Variants in CNTN5 observed in about 807,000 individuals in gnomAD.
The protein encoded by CNTN5 is contactin 5.
A neutral mutation model predicts 129.1 loss-of-function variants in CNTN5; 77 were observed. The ratio of observed to expected loss-of-function variants is 0.60; its 90% confidence interval spans 0.50 to 0.72. The LOEUF is 0.72. CNTN5 is among the 30% of genes least tolerant of loss of function. CNTN5 has a pLI of 0.00. For synonymous variants in CNTN5, 509 were observed against 465.6 expected (o/e 1.09, Z -1.20); for missense variants, 1,478 against 1,328.8 (o/e 1.11, Z -1.75).
intron 1 of CNTN5, among the ~76,000 whole-genome samples, chr11:99,322,112 A>ACTGGTTGGCT (rs1212928434): frequency 6.6e-6 from 1 of 152,128 alleles, no homozygotes; most frequent in Non-Finnish European, 1.5e-5. Flanking sequence ...AATACCGCAG[A>ACTGGTTGGCT]CTGGTTGGCT....
In CNTN5 at chr11:100,255,880, G is replaced by A. The variant is rs201856589; in HGVS notation, c.2126G>A (p.Arg709His). ...SPISSYNLQARSPFSLGWQTV... is the reference protein window; with the variant it reads ...SPISSYNLQAHSPFSLGWQTV... Reference sequence around the variant, plus strand: ...ATCTCCTCCTACAACCTTCAAGCTCGCAGCCCATTTTCCCTGGGCTGGCAA... The same window carrying A: ...ATCTCCTCCTACAACCTTCAAGCTCACAGCCCATTTTCCCTGGGCTGGCAA... Residue 709 changes from arginine to histidine, a missense_variant, in exon 17 of 25, where the codon CGC (arginine) becomes CAC (histidine). Arg to His is a conservative substitution (Grantham distance 29). Transcript: ENST00000524871. 9.4e-5 allele frequency: 152 copies of A among 1,613,698 alleles called. No individual in the cohort carries two copies. Among genetic ancestry groups the A allele is most frequent in the Non-Finnish European group, 1.2e-4 (143 of 1,179,864 alleles).
intron 1 of CNTN5, among the ~76,000 whole-genome samples, chr11:99,158,250 T>A (rs1860430465): frequency 6.6e-6 from 1 of 152,086 alleles, no homozygotes; most frequent in African/African-American, 2.4e-5. Context: ...TGCTTTGTAT[T>A]CCTCTGACTT....
At chr11:100,351,837 G>A (rs1202408640) in intron 24 of CNTN5, among the ~76,000 whole-genome samples, 6 of 151,402 alleles carry the variant, frequency 4.0e-5, no homozygotes, top group Admixed American at 2.0e-4. Flanking sequence ...GTCCCGTCAT[G>A]CTCTGTATGT....
intron 6 of CNTN5, among the ~76,000 whole-genome samples, chr11:99,895,595 C>T (rs1949184369): frequency 6.6e-6 from 1 of 152,166 alleles, no homozygotes; most frequent in Admixed American, 6.5e-5. Flanking sequence ...AACATTAACC[C>T]ACCCAGAACT....
intron 3 of CNTN5, among the ~76,000 whole-genome samples, chr11:99,759,242 T>C (rs1469908249): frequency 2.6e-5 from 4 of 152,060 alleles, no homozygotes; most frequent in Admixed American, 6.6e-5. Flanking sequence ...GTGTGTGTTA[T>C]GGCCGAGCAT....
chr11:99,224,944 A>G (rs1199052473), intron 1 of CNTN5, among the ~76,000 whole-genome samples: 1 of 152,046 alleles, frequency 6.6e-6, no homozygotes, highest in African/African-American at 2.4e-5. Context: ...CCCAGTTTGG[A>G]CATTTTAGAG....
At chr11:99,245,565 C>T (rs929214084) in intron 1 of CNTN5, among the ~76,000 whole-genome samples, 1 of 152,142 alleles carries the variant, frequency 6.6e-6, no homozygotes, top group African/African-American at 2.4e-5. Flanking sequence ...AAGTAATCCA[C>T]CTGCCTCGGC....
intron 13 of CNTN5, among the ~76,000 whole-genome samples, chr11:100,105,207 G>A (rs561253771): frequency 1.3e-5 from 2 of 152,244 alleles, no homozygotes; most frequent in South Asian, 4.1e-4. Flanking sequence ...GAGGGGGAGA[G>A]ATAGCATTGG....
At chr11:99,926,194 G>C (rs1950058538) in intron 7 of CNTN5, among the ~76,000 whole-genome samples, 1 of 152,116 alleles carries the variant, frequency 6.6e-6, no homozygotes, top group South Asian at 2.1e-4. Flanking sequence ...GAAAGGGGTT[G>C]CCTTAAATCA....
intron 2 of CNTN5, among the ~76,000 whole-genome samples, chr11:99,539,076 C>T (rs1204033483): frequency 6.6e-6 from 1 of 151,960 alleles, no homozygotes; most frequent in African/African-American, 2.4e-5. Flanking sequence ...AATAAGAGAA[C>T]CTCAGGAGAT....
intron 2 of CNTN5, among the ~76,000 whole-genome samples, chr11:99,425,011 G>C (rs1046581855): frequency 6.6e-6 from 1 of 152,108 alleles, no homozygotes; most frequent in Non-Finnish European, 1.5e-5. Flanking sequence ...ACCCATAGTG[G>C]GTAGCTCCTT....
At chr11:99,912,576 C>G (rs1160823772) in intron 6 of CNTN5, among the ~76,000 whole-genome samples, 1 of 151,248 alleles carries the variant, frequency 6.6e-6, no homozygotes, top group Admixed American at 6.6e-5. Flanking sequence ...TGGCTCAAAT[C>G]TCATATCCCA....
intron 6 of CNTN5, among the ~76,000 whole-genome samples, chr11:99,858,838 A>G (rs1429484020): frequency 6.6e-6 from 1 of 152,066 alleles, no homozygotes; most frequent in Non-Finnish European, 1.5e-5. Context: ...AAATTTAAAC[A>G]TTAATGACAA....
chr11:100,042,304 T>C (rs1378155140), intron 9 of CNTN5, among the ~76,000 whole-genome samples: 1 of 152,140 alleles, frequency 6.6e-6, no homozygotes, highest in South Asian at 2.1e-4. Context: ...ATGATAGCTT[T>C]TTATGTGCTT....
At chr11:100,191,609 T>C (rs1363802292) in intron 14 of CNTN5, among the ~76,000 whole-genome samples, 1 of 152,018 alleles carries the variant, frequency 6.6e-6, no homozygotes, top group African/African-American at 2.4e-5. Context: ...ATCACTAATA[T>C]TACTCTGTTA....
At chr11:99,883,434 T>C (rs1948822678) in intron 6 of CNTN5, among the ~76,000 whole-genome samples, 1 of 152,240 alleles carries the variant, frequency 6.6e-6, no homozygotes, top group South Asian at 2.1e-4. Context: ...TGATATCTCA[T>C]TGTAGTTTTG....
At chr11:99,994,048 G>A (rs890612018) in intron 8 of CNTN5, among the ~76,000 whole-genome samples, 2 of 152,088 alleles carry the variant, frequency 1.3e-5, no homozygotes, top group African/African-American at 4.8e-5. Flanking sequence ...GCTTAAGAAT[G>A]CCTTTGGCCA....
At chr11:99,577,295 TG>T (rs1949386831) in intron 3 of CNTN5, among the ~76,000 whole-genome samples, 1 of 152,172 alleles carries the variant, frequency 6.6e-6, no homozygotes, top group Admixed American at 6.5e-5. Flanking sequence ...CAGAGATTCT[TG>T]CCCCCATCCC....
chr11:99,348,092 T>A (rs1428411052), intron 2 of CNTN5, among the ~76,000 whole-genome samples: 7 of 152,156 alleles, frequency 4.6e-5, no homozygotes, highest in Non-Finnish European at 1.0e-4. Flanking sequence ...AAAAGATCAC[T>A]GCTACTAGCC....
Sources: gnomAD v4.1 joint callset for allele counts (sites outside exome capture counted in the v4.1 genomes callset) on GRCh38, gnomAD v4.1.1 for gene constraint, MANE v1.5 for transcripts, NCBI Gene and HGNC (gene_info 2026-07-23, HGNC 2026-07-21) for gene names.